NCOA3: variants seen among roughly 807,000 people sequenced by gnomAD.
NCOA3 encodes CBP-interacting protein.
In NCOA3, 51 loss-of-function variants were observed where a neutral mutation model predicts 158.8. The observed-to-expected ratio is 0.32, with a 90% CI of 0.26 to 0.41. The LOEUF (loss-of-function observed/expected upper bound fraction) is 0.41. NCOA3 is among the 10% of genes least tolerant of loss of function. The probability of loss-of-function intolerance (pLI) is 1.00; values close to 1 mark genes in which losing one functional copy is unlikely to be tolerated. For missense variants in NCOA3, 1,510 were observed against 1,746.6 expected (o/e 0.86, Z 2.41); for synonymous variants, 537 against 592.4 (o/e 0.91, Z 1.36).
intron 12 of NCOA3, 117 bp downstream of exon 12, chr20:47,636,879 C>G (rs1057305037): frequency 2.2e-6 from 2 of 916,868 alleles, no homozygotes; most frequent in Non-Finnish European, 3.2e-6. Context: ...CTTTAGCTCT[C>G]ATTTCTTTAT....
At chr20:47,528,887 C>G (rs2084500645) in intron 1 of NCOA3, among the ~76,000 whole-genome samples, 1 of 152,144 alleles carries the variant, frequency 6.6e-6, no homozygotes, top group South Asian at 2.1e-4. Context: ...AATTCTTGTG[C>G]CTCAGCCTCC....
rs377014290 is a variant in NCOA3, at chr20:47,594,664, CAAAAAAAAAAAAAAAAAAAA to C, written c.-20+11415_-20+11434del. Among the ~76,000 whole-genome samples the C allele has an allele frequency of 1.3e-3, 95 of 72,950 alleles. 2 individuals carry two copies. The highest frequency in any genetic ancestry group is 4.7e-3 in the African/African-American group (77 of 16,492). The allele number at this position is 72,950 out of a possible 152,430, so 47.9% of individuals were successfully genotyped here. ...TGGGCGACAGAGCGAGACTCTGTCT[CAAAAAAAAAAAAAAAAAAAA>C]AAAAAAAAAAAGAGAAGATGAAAGT... On this transcript the variant is annotated intron_variant, in intron 2 of 22. Coordinates refer to ENST00000371998, the MANE Select transcript of NCOA3 (RefSeq NM_181659.3).
chr20:47,508,236 T>G (rs1379638378), intron 1 of NCOA3, among the ~76,000 whole-genome samples: 1 of 152,234 alleles, frequency 6.6e-6, no homozygotes, highest in Admixed American at 6.5e-5. Context: ...GCTTCAGGCA[T>G]TTACATCCCA....
In NCOA3 at chr20:47,635,973, C is replaced by G. The variant is rs370711132; in HGVS notation, c.1587C>G (p.Ile529Met). The change falls in exon 12 of 23, where the codon ATC (isoleucine) becomes ATG (methionine). Residue 529 changes from isoleucine (I) to methionine (M), a missense_variant. Ile to Met is a conservative substitution (Grantham distance 10). Transcript: ENST00000371998. The stretch of plus-strand genomic sequence containing the variant: ...GCTCTCTCAGTGCCCTGCAAGCCAT[C>G]AGTGAAGGTGTGGGGACTTCCCTTT... ...SSSSLSALQA[I>M]SEGVGTSLLS... 1.8e-5 allele frequency: 29 copies of G among 1,613,978 alleles called. No homozygotes were observed. The highest frequency in any genetic ancestry group is 4.2e-6 in the Non-Finnish European group (5 of 1,179,966).
intron 1 of NCOA3, among the ~76,000 whole-genome samples, chr20:47,521,486 G>A (rs1455815840): frequency 1.3e-5 from 2 of 152,184 alleles, no homozygotes; most frequent in Admixed American, 6.5e-5. Context: ...CTGCTGTGTC[G>A]TTCCCCTATT....
chr20:47,641,027 C>G (rs1332458932), intron 16 of NCOA3, among the ~76,000 whole-genome samples: 1 of 152,176 alleles, frequency 6.6e-6, no homozygotes, highest in Non-Finnish European at 1.5e-5. Flanking sequence ...ATGAACTGAT[C>G]TATTGAGCAG....
chr20:47,535,208 C>T (rs951136747), intron 1 of NCOA3, among the ~76,000 whole-genome samples: 6 of 152,056 alleles, frequency 3.9e-5, no homozygotes, highest in South Asian at 2.1e-4. Flanking sequence ...TCACTTCTTC[C>T]GTGCCTCGCT....
chr20:47,602,811 GCT>G (rs1482171332), intron 2 of NCOA3, among the ~76,000 whole-genome samples: 2 of 152,108 alleles, frequency 1.3e-5, no homozygotes, highest in Admixed American at 6.6e-5. Context: ...TACTTAAATA[GCT>G]CTCTCTTAAT....
chr20:47,594,664 CAAAAAAAAAAAAAAAAAAA>C (rs377014290), intron 2 of NCOA3, among the ~76,000 whole-genome samples: 31,436 of 75,164 alleles, frequency 0.42, 4,705 homozygotes, highest in Middle Eastern at 0.56. Context: ...GACTCTGTCT[CAAAAAAAAAAAAAAAAAAA>C]AAAAAAAAAA....
At chr20:47,567,012 C>CTATG (rs71183264) in intron 1 of NCOA3, among the ~76,000 whole-genome samples, 33,376 of 145,050 alleles carry the variant, frequency 0.23, 3,927 homozygotes, top group Non-Finnish European at 0.25. Flanking sequence ...TGGTATAGTA[C>CTATG]TATGTATGTA....
At chr20:47,511,550 T>TATATATATACATACACACAC in intron 1 of NCOA3, among the ~76,000 whole-genome samples, 40 of 52,266 alleles carry the variant, frequency 7.7e-4, no homozygotes, top group African/African-American at 2.1e-3. Context: ...TATATATATA[T>TATATATATACATACACACAC]ATATATTTCT....
At chr20:47,582,464 C>T (rs185519912) in intron 1 of NCOA3, among the ~76,000 whole-genome samples, 29 of 152,188 alleles carry the variant, frequency 1.9e-4, no homozygotes, top group African/African-American at 6.8e-4. Context: ...CCACCCACCT[C>T]GGCCTCCCAA....
chr20:47,599,798 A>G (rs1159291724), intron 2 of NCOA3, among the ~76,000 whole-genome samples: 1 of 152,214 alleles, frequency 6.6e-6, no homozygotes, highest in African/African-American at 2.4e-5. Flanking sequence ...CCAGCAGCAT[A>G]TCTTTTTCAT....
chr20:47,642,014 A>G (rs2086620068), intron 16 of NCOA3, among the ~76,000 whole-genome samples, 199 bp from the exon 17 acceptor site: 1 of 152,144 alleles, frequency 6.6e-6, no homozygotes, highest in Non-Finnish European at 1.5e-5. Flanking sequence ...GGTGGTCTAA[A>G]GTGGCCTGGT....
At chr20:47,587,482 G>T (rs755964687) in intron 2 of NCOA3, among the ~76,000 whole-genome samples, 30 of 152,128 alleles carry the variant, frequency 2.0e-4, no homozygotes, top group Admixed American at 1.1e-3. Context: ...CGTACCTGAG[G>T]GTGATTGGGT....
chr20:47,517,050 T>G (rs961048988), intron 1 of NCOA3, among the ~76,000 whole-genome samples: 11 of 151,922 alleles, frequency 7.2e-5, no homozygotes, highest in African/African-American at 2.7e-4. Flanking sequence ...AAACCTCATC[T>G]CTACTAAAAA....
chr20:47,505,625 A>G (rs1485287384), intron 1 of NCOA3, among the ~76,000 whole-genome samples: 1 of 152,104 alleles, frequency 6.6e-6, no homozygotes, highest in African/African-American at 2.4e-5. Context: ...TGTTTTTTGC[A>G]TTACTGAGCG....
At chr20:47,508,262 C>T (rs568530719) in intron 1 of NCOA3, among the ~76,000 whole-genome samples, 11 of 152,150 alleles carry the variant, frequency 7.2e-5, no homozygotes, top group Non-Finnish European at 1.0e-4. Flanking sequence ...ATATCTAAGG[C>T]TAGCATTTTT....
chr20:47,597,482 CTTTT>C (rs772828107), intron 2 of NCOA3, among the ~76,000 whole-genome samples: 5 of 125,330 alleles, frequency 4.0e-5, no homozygotes, highest in Non-Finnish European at 3.5e-5. Context: ...CTAACCTGTG[CTTTT>C]TTTTTTTTTT....
Sources: gnomAD v4.1 joint callset for allele counts (sites outside exome capture counted in the v4.1 genomes callset) on GRCh38, gnomAD v4.1.1 for gene constraint, MANE v1.5 for transcripts, NCBI Gene and HGNC (gene_info 2026-07-23, HGNC 2026-07-21) for gene names.